UBE2K: variants seen among roughly 807,000 people sequenced by gnomAD.
UBE2K encodes the protein ubiquitin conjugating enzyme E2 K.
UBE2K carries 6 observed loss-of-function variants against 30.0 expected under a neutral mutation model. That is an observed-to-expected ratio of 0.20 (90% confidence interval 0.11 to 0.39). UBE2K has a LOEUF of 0.39. Among genes scored for constraint, UBE2K ranks in the 10% least tolerant of loss-of-function variants. UBE2K has a pLI of 1.00. For missense variants in UBE2K, 61 were observed against 241.6 expected (o/e 0.25, Z 4.96); for synonymous variants, 86 against 83.7 (o/e 1.03, Z -0.15).
At chr4:39,729,826 C>T (rs963904983) in intron 1 of UBE2K, among the ~76,000 whole-genome samples, 2 of 152,212 alleles carry the variant, frequency 1.3e-5, no homozygotes, top group Non-Finnish European at 2.9e-5. Context: ...CCTCGTTTGC[C>T]TCCATTTTGC....
chr4:39,752,554 T>C (rs771322570), intron 3 of UBE2K, among the ~76,000 whole-genome samples: 7 of 152,028 alleles, frequency 4.6e-5, no homozygotes, highest in Non-Finnish European at 1.0e-4. Flanking sequence ...GCCAGGATGG[T>C]CTCAATCTCC....
At chr4:39,707,903 A>ATT (rs56012919) in intron 1 of UBE2K, among the ~76,000 whole-genome samples, 149 of 149,840 alleles carry the variant, frequency 9.9e-4, no homozygotes, top group African/African-American at 3.3e-3. Context: ...TAATATTGCA[A>ATT]TTTTTTTTTT....
intron 3 of UBE2K, among the ~76,000 whole-genome samples, chr4:39,747,197 A>G (rs13435632): frequency 0.019 from 2,851 of 152,296 alleles, 98 homozygotes; most frequent in African/African-American, 0.064. Flanking sequence ...ATTGTGATAA[A>G]ATATGCATGA....
chr4:39,782,047 G>A lies in UBE2K; in HGVS notation c.*3613G>A. 2.5e-6 allele frequency: 1 copy of A among 398,058 alleles called. No homozygotes were observed. 24.7% of individuals were successfully genotyped at this position (398,058 alleles called of 1,614,324 possible). A position where few individuals can be genotyped will look rare whatever the true frequency, so the allele number is the denominator to read the frequency against. On this transcript the variant is annotated 3_prime_UTR_variant, in exon 7 of 7. Coordinates refer to ENST00000261427, the MANE Select transcript of UBE2K (RefSeq NM_005339.5). ...AGATCAAAGATCTTGTGGCATAGGG[G>A]TAGGGGAGTGTTAGTATCTCCCTTG...
intron 3 of UBE2K, among the ~76,000 whole-genome samples, chr4:39,746,446 CCT>C (rs1419491039): frequency 6.6e-6 from 1 of 152,088 alleles, no homozygotes; most frequent in Non-Finnish European, 1.5e-5. Flanking sequence ...AACTTTATTC[CCT>C]GTTTTGTCTA....
intron 1 of UBE2K, among the ~76,000 whole-genome samples, chr4:39,727,487 G>A (rs1022963782): frequency 6.6e-6 from 1 of 151,964 alleles, no homozygotes; most frequent in Non-Finnish European, 1.5e-5. Context: ...TCAGCCTCCC[G>A]CATTGCTGGG....
At chr4:39,713,933 C>T (rs2109315921) in intron 1 of UBE2K, 1 of 152,092 alleles carries the variant, frequency 6.6e-6, no homozygotes, top group African/African-American at 2.4e-5. Context: ...ATTGCTCAGA[C>T]TAGAGTGCAA....
rs536506281 is a variant in UBE2K, at chr4:39,768,761, C to T, written c.300-6073C>T. ...AATTTGTATTCCCACCAGCAGTGTG[C>T]GAGGGTTTCCTTTCCTTTACATCAT... On this transcript the variant is annotated intron_variant, in intron 4 of 6. Transcript: ENST00000261427. 3.9e-5 allele frequency among the ~76,000 whole-genome samples: 6 copies of T among 152,274 alleles called. No individual in the cohort carries two copies. The East Asian group carries it at 1.2e-3, about 29-fold the overall frequency.
chr4:39,775,086 T>C (rs1480798665), intron 5 of UBE2K, among the ~76,000 whole-genome samples, 153 bp downstream of exon 5: 1 of 152,254 alleles, frequency 6.6e-6, no homozygotes, highest in Non-Finnish European at 1.5e-5. Context: ...TCAGGTGTAA[T>C]AGTGAAAATA....
chr4:39,747,177 C>T (rs1056547243), intron 3 of UBE2K, among the ~76,000 whole-genome samples: 24 of 152,190 alleles, frequency 1.6e-4, no homozygotes, highest in South Asian at 4.1e-4. Context: ...TAAGTCTGGT[C>T]GATTTTTTTA....
intron 3 of UBE2K, among the ~76,000 whole-genome samples, chr4:39,748,324 G>C (rs1302838655): frequency 6.6e-6 from 1 of 152,090 alleles, no homozygotes; most frequent in Non-Finnish European, 1.5e-5. Context: ...TAACTCCTGG[G>C]GTCAAGTGAT....
chr4:39,743,046 G>GAAA (rs34032249), intron 2 of UBE2K, among the ~76,000 whole-genome samples: 5 of 134,304 alleles, frequency 3.7e-5, no homozygotes, highest in East Asian at 2.1e-4. Flanking sequence ...CCTGTCTCAG[G>GAAA]AAAAAAAAAA....
At chr4:39,737,555 A>G (rs1720444711) in intron 2 of UBE2K, 42 bp downstream of exon 2, 2 of 1,240,274 alleles carry the variant, frequency 1.6e-6, no homozygotes, top group Admixed American at 2.5e-5. Flanking sequence ...GCGTATTAGA[A>G]CTTGTCTGAA....
intron 2 of UBE2K, among the ~76,000 whole-genome samples, chr4:39,743,509 C>G (rs1263521869): frequency 6.6e-6 from 1 of 151,424 alleles, no homozygotes; most frequent in Non-Finnish European, 1.5e-5. Flanking sequence ...GAGGCTGAGG[C>G]AGGAGAATGG....
chr4:39,770,734 C>G, intron 4 of UBE2K: 1 of 1,583,220 alleles, frequency 6.3e-7, no homozygotes, highest in Non-Finnish European at 8.6e-7. Flanking sequence ...CCCACGGAGC[C>G]TCCAATGCCC....
chr4:39,736,014 T>G (rs71606194), intron 1 of UBE2K, among the ~76,000 whole-genome samples: 2 of 5,296 alleles, frequency 3.8e-4, no homozygotes, highest in African/African-American at 4.3e-3. Flanking sequence ...AAAATTGTGG[T>G]TTTTTTTTTT....
In UBE2K at chr4:39,779,091, A is replaced by C. The variant is rs957633279; in HGVS notation, c.*657A>C. ...CACACAGCTAATATTCTAATGGTAAATTTCTCTGTATCAGGTGGGGAAATG... is the reference window on the plus strand; with the variant it reads ...CACACAGCTAATATTCTAATGGTAACTTTCTCTGTATCAGGTGGGGAAATG... On this transcript the variant is annotated 3_prime_UTR_variant, in exon 7 of 7. Coordinates refer to ENST00000261427, the MANE Select transcript of UBE2K (RefSeq NM_005339.5). The C allele has an allele frequency of 6.9e-6, 1 of 144,658 alleles. No individual in the cohort carries two copies. The highest frequency in any genetic ancestry group is 2.6e-5 in the African/African-American group (1 of 38,742). The allele number at this position is 144,658 out of a possible 1,614,324, so 9.0% of individuals were successfully genotyped here. A position where few individuals can be genotyped will look rare whatever the true frequency, so the allele number is the denominator to read the frequency against.
chr4:39,736,481 C>T (rs1056069571), intron 1 of UBE2K, among the ~76,000 whole-genome samples: 1 of 152,084 alleles, frequency 6.6e-6, no homozygotes, highest in Non-Finnish European at 1.5e-5. Context: ...GAAGATGTAA[C>T]CTGTTCTTTA....
chr4:39,735,334 C>T (rs192214614), intron 1 of UBE2K, among the ~76,000 whole-genome samples: 4 of 152,330 alleles, frequency 2.6e-5, no homozygotes, highest in African/African-American at 7.2e-5. Flanking sequence ...CTCAGCTTCC[C>T]GAGTAGCAGG....
Sources: gnomAD v4.1 joint callset for allele counts (sites outside exome capture counted in the v4.1 genomes callset) on GRCh38, gnomAD v4.1.1 for gene constraint, MANE v1.5 for transcripts, NCBI Gene and HGNC (gene_info 2026-07-23, HGNC 2026-07-21) for gene names.